Variants in PLPPR1 observed in about 807,000 individuals in gnomAD.
The protein encoded by PLPPR1 is phospholipid phosphatase-related protein type 1.
Under a neutral mutation model 33.1 loss-of-function variants are expected in PLPPR1, and 10 were observed. The ratio of observed to expected loss-of-function variants is 0.30; its 90% confidence interval spans 0.19 to 0.51. PLPPR1 has a LOEUF of 0.51. Among genes scored for constraint, PLPPR1 ranks in the 20% least tolerant of loss-of-function variants. The pLI, the probability that PLPPR1 is intolerant of heterozygous loss-of-function variation, is 0.97. For synonymous variants in PLPPR1, 151 were observed against 151.0 expected, an observed-to-expected ratio of 1.00 and a Z score of 0.00; for missense variants, 304 against 408.1, an observed-to-expected ratio of 0.74 and a Z score of 2.20.
intron 1 of PLPPR1, among the ~76,000 whole-genome samples, chr9:101,093,873 A>G (rs893337834): frequency 7.9e-5 from 12 of 152,194 alleles, no homozygotes; most frequent in East Asian, 5.8e-4. Flanking sequence ...TCCAGCTCCA[A>G]TGCAACATTT....
At chr9:101,093,219 G>A (rs1296030907) in intron 1 of PLPPR1, among the ~76,000 whole-genome samples, 1 of 152,094 alleles carries the variant, frequency 6.6e-6, no homozygotes, top group Non-Finnish European at 1.5e-5. Flanking sequence ...GCTTGAACAG[G>A]ATTGAGCCAA....
chr9:101,098,428 C>G (rs952347901), intron 1 of PLPPR1, among the ~76,000 whole-genome samples: 1 of 151,984 alleles, frequency 6.6e-6, no homozygotes, highest in African/African-American at 2.4e-5. Flanking sequence ...GTTGCATACC[C>G]CTTCTAGGGT....
At chr9:101,317,615 G>A (rs1829081508) in intron 7 of PLPPR1, 119 bp downstream of exon 7, 4 of 1,025,290 alleles carry the variant, frequency 3.9e-6, no homozygotes, top group Non-Finnish European at 4.2e-6. Context: ...TTAATTTATT[G>A]TAAAGGCCCT....
chr9:101,096,867 G>A (rs1282807447), intron 1 of PLPPR1, among the ~76,000 whole-genome samples: 1 of 151,792 alleles, frequency 6.6e-6, no homozygotes, highest in East Asian at 1.9e-4. Context: ...GAGTTTGAAA[G>A]CACTCTGGGT....
chr9:101,080,138 A>G (rs1452485506), intron 1 of PLPPR1, among the ~76,000 whole-genome samples: 1 of 151,880 alleles, frequency 6.6e-6, no homozygotes, highest in African/African-American at 2.4e-5. Flanking sequence ...GTTCTATCTG[A>G]TGATTCGATT....
chr9:101,278,973 G>T (rs1828246913), intron 3 of PLPPR1, among the ~76,000 whole-genome samples: 1 of 152,158 alleles, frequency 6.6e-6, no homozygotes, highest in African/African-American at 2.4e-5. Context: ...AATCTGCAAA[G>T]ACTGGAATAA....
intron 1 of PLPPR1, among the ~76,000 whole-genome samples, chr9:101,037,903 G>A (rs535924844): frequency 1.4e-5 from 2 of 142,450 alleles, no homozygotes; most frequent in Admixed American, 1.5e-4. Context: ...GACACAGACA[G>A]TTCCTGGCCA....
At chr9:101,244,301 C>T (rs1827540105) in intron 2 of PLPPR1, among the ~76,000 whole-genome samples, 1 of 151,770 alleles carries the variant, frequency 6.6e-6, no homozygotes, top group African/African-American at 2.4e-5. Context: ...CAAAGCATGG[C>T]TTTATTTTTT....
At chr9:101,180,873 A>G (rs1826098402) in intron 1 of PLPPR1, among the ~76,000 whole-genome samples, 1 of 152,112 alleles carries the variant, frequency 6.6e-6, no homozygotes, top group South Asian at 2.1e-4. Context: ...GCACAAGCAA[A>G]ATATAAACAA....
chr9:101,040,864 G>A (rs1174499253), intron 1 of PLPPR1, among the ~76,000 whole-genome samples: 1 of 152,044 alleles, frequency 6.6e-6, no homozygotes, highest in Non-Finnish European at 1.5e-5. Context: ...AGACCTAGAA[G>A]AGTACCTGTC....
At chr9:101,171,780 C>A (rs904150655) in intron 1 of PLPPR1, among the ~76,000 whole-genome samples, 2 of 152,132 alleles carry the variant, frequency 1.3e-5, no homozygotes, top group Middle Eastern at 3.4e-3. Flanking sequence ...AAATTAAATG[C>A]AAATTAATTT....
In PLPPR1 at chr9:101,261,692, C is replaced by T. The variant is rs563435579; in HGVS notation, c.64-8188C>T. On this transcript the variant is annotated intron_variant, in intron 2 of 7. Transcript: ENST00000374874. ...TAAAAAAGAATGAGATCATGTCCTT[C>T]GCCGGAACATGGATAGAGCTGGAGG... 9.2e-5 allele frequency among the ~76,000 whole-genome samples: 14 copies of T among 152,182 alleles called. No homozygotes were observed. In the East Asian group the frequency reaches 1.2e-3, roughly 13 times the overall value.
intron 1 of PLPPR1, among the ~76,000 whole-genome samples, chr9:101,055,773 T>G (rs1188578410): frequency 6.6e-6 from 1 of 152,146 alleles, no homozygotes; most frequent in Non-Finnish European, 1.5e-5. Context: ...TTGGGCCACA[T>G]GGTTCCACAT....
intron 3 of PLPPR1, among the ~76,000 whole-genome samples, chr9:101,279,877 A>G (rs914313752): frequency 2.6e-5 from 4 of 152,204 alleles, no homozygotes; most frequent in Non-Finnish European, 4.4e-5. Context: ...CATCAAACAA[A>G]CAACATAATG....
chr9:101,188,839 C>T (rs181263350), intron 2 of PLPPR1, among the ~76,000 whole-genome samples: 1 of 152,148 alleles, frequency 6.6e-6, no homozygotes, highest in Admixed American at 6.6e-5. Context: ...CATTCTTTGG[C>T]TACTTCGAGC....
intron 4 of PLPPR1, among the ~76,000 whole-genome samples, chr9:101,294,503 A>G (rs1021371450): frequency 2.0e-5 from 3 of 152,166 alleles, no homozygotes; most frequent in African/African-American, 4.8e-5. Flanking sequence ...CAACAAAAAA[A>G]GAGAATTTTA....
intron 4 of PLPPR1, among the ~76,000 whole-genome samples, chr9:101,291,241 C>T (rs1449125542): frequency 2.6e-4 from 39 of 152,092 alleles, no homozygotes; most frequent in African/African-American, 8.9e-4. Context: ...GGGGGAGGGG[C>T]GCCCGCCATT....
intron 1 of PLPPR1, among the ~76,000 whole-genome samples, chr9:101,033,877 T>A (rs987695902): frequency 6.6e-6 from 1 of 152,168 alleles, no homozygotes; most frequent in Non-Finnish European, 1.5e-5. Context: ...TTTCCTTTCA[T>A]CAAATGTATA....
chr9:101,050,009 C>G lies in PLPPR1; in HGVS notation c.-46+20907C>G, dbSNP rs927542268. On this transcript the variant is annotated intron_variant, in intron 1 of 7. Transcript: ENST00000374874. Reference sequence around the variant, plus strand: ...GTGTGGTGGCGTGCGCCTGTAGTCCCAGCTACTCGGGAGGCTGAGGCAGGA... The same window carrying G: ...GTGTGGTGGCGTGCGCCTGTAGTCCGAGCTACTCGGGAGGCTGAGGCAGGA... Among the ~76,000 whole-genome samples the G allele has an allele frequency of 2.6e-5, 4 of 150,990 alleles. No homozygotes were observed. In the South Asian group the frequency reaches 8.4e-4, roughly 32 times the overall value.
Sources: gnomAD v4.1 joint callset for allele counts (sites outside exome capture counted in the v4.1 genomes callset) on GRCh38, gnomAD v4.1.1 for gene constraint, MANE v1.5 for transcripts, NCBI Gene and HGNC (gene_info 2026-07-23, HGNC 2026-07-21) for gene names.